Variants in ZNF385D observed in about 807,000 individuals in gnomAD.
ZNF385D encodes the protein zinc finger protein 385D.
Under a neutral mutation model 35.8 loss-of-function variants are expected in ZNF385D, and 15 were observed. The observed-to-expected ratio is 0.42, with a 90% confidence interval of 0.28 to 0.64. ZNF385D has a LOEUF of 0.64. ZNF385D is among the 30% of genes least tolerant of loss of function. The pLI is 0.23. For missense variants in ZNF385D, 474 were observed against 494.6 expected (o/e 0.96, Z 0.39); for synonymous variants, 212 against 186.8 (o/e 1.13, Z -1.10).
At chr3:21,756,544 T>G (rs1339575347) in intron 3 of ZNF385D, among the ~76,000 whole-genome samples, 1 of 152,146 alleles carries the variant, frequency 6.6e-6, no homozygotes, top group East Asian at 1.9e-4. Flanking sequence ...AATTTGGAAG[T>G]CATGATTTTA....
At chr3:22,137,541 CAGCATATAAACAGAACCAA>C (rs1019297324) in intron 3 of ZNF385D, among the ~76,000 whole-genome samples, 7 of 152,078 alleles carry the variant, frequency 4.6e-5, no homozygotes, top group African/African-American at 1.7e-4. Context: ...AAACGTAATC[CAGCATATAAACAGAACCAA>C]AGACAAAAAT....
intron 3 of ZNF385D, among the ~76,000 whole-genome samples, chr3:22,058,611 TGA>T (rs1195197407): frequency 6.6e-6 from 1 of 152,206 alleles, no homozygotes; most frequent in African/African-American, 2.4e-5. Flanking sequence ...TAAACTAACT[TGA>T]GAGTTTTAAT....
chr3:21,839,788 A>C (rs1425080422), intron 3 of ZNF385D, among the ~76,000 whole-genome samples: 1 of 151,966 alleles, frequency 6.6e-6, no homozygotes, highest in African/African-American at 2.4e-5. Context: ...CAGCAATCAA[A>C]TGCCTGACCT....
rs79203583 is a variant in ZNF385D, at chr3:22,239,309, T to A, written c.107-70274A>T. 3.8e-4 allele frequency among the ~76,000 whole-genome samples: 57 copies of A among 151,134 alleles called. 2 individuals carry two copies. The East Asian group carries it at 0.011, about 30-fold the overall frequency. On this transcript the variant is annotated intron_variant, in intron 2 of 5. Transcript: ENST00000494108. ...GTGCTTTCACGCTAAAATGGTAACA[T>A]TGTGTAATTACAACAGAGACTCTAT...
chr3:21,890,594 G>A (rs1022279641), intron 3 of ZNF385D, among the ~76,000 whole-genome samples: 1 of 152,124 alleles, frequency 6.6e-6, no homozygotes, highest in Admixed American at 6.5e-5. Context: ...ACTCCAGCCT[G>A]GGTGACAGAG....
chr3:21,718,271 C>T lies in ZNF385D; in HGVS notation c.22+32624G>A, dbSNP rs141135181. Among the ~76,000 whole-genome samples, 1,168 of 152,330 alleles carry T rather than the reference C, an allele frequency of 7.7e-3. 12 individuals are homozygous for T. The highest frequency in any genetic ancestry group is 0.026 in the African/African-American group (1,075 of 41,572). Reference sequence around the variant, plus strand: ...CTGATCAATCCTTCCATGGTTCCTACTCAGACTCCACTCTGCAATTTGATC... The same window carrying T: ...CTGATCAATCCTTCCATGGTTCCTATTCAGACTCCACTCTGCAATTTGATC... On this transcript the variant is annotated intron_variant, in intron 1 of 7. Transcript: ENST00000281523.
intron 3 of ZNF385D, among the ~76,000 whole-genome samples, chr3:21,899,139 G>A (rs754090315): frequency 2.0e-5 from 3 of 151,958 alleles, no homozygotes; most frequent in Non-Finnish European, 4.4e-5. Context: ...AGGCAGGAGG[G>A]TGTCCTACTA....
chr3:21,612,495 A>G (rs2064712931), intron 2 of ZNF385D, among the ~76,000 whole-genome samples: 1 of 152,208 alleles, frequency 6.6e-6, no homozygotes, highest in African/African-American at 2.4e-5. Flanking sequence ...GACTTCTTCA[A>G]GCTAGTCAAT....
At chr3:22,039,347 A>G (rs756960112) in intron 3 of ZNF385D, among the ~76,000 whole-genome samples, 7 of 151,978 alleles carry the variant, frequency 4.6e-5, no homozygotes, top group Admixed American at 2.0e-4. Flanking sequence ...ACTTCCTAAA[A>G]TCAGGCCTGA....
intron 3 of ZNF385D, among the ~76,000 whole-genome samples, chr3:21,862,741 T>C (rs1697126651): frequency 6.6e-6 from 1 of 152,172 alleles, no homozygotes; most frequent in South Asian, 2.1e-4. Context: ...GGGCTCCTTA[T>C]AGAAGTTCTT....
chr3:21,778,008 T>A (rs1230421940), intron 3 of ZNF385D, among the ~76,000 whole-genome samples: 3 of 151,908 alleles, frequency 2.0e-5, no homozygotes, highest in Non-Finnish European at 4.4e-5. Flanking sequence ...GTGTCTCCAG[T>A]AATAGACATA....
At chr3:21,991,872 T>C (rs6550648) in intron 3 of ZNF385D, among the ~76,000 whole-genome samples, 18,729 of 152,200 alleles carry the variant, frequency 0.12, 2,652 homozygotes, top group African/African-American at 0.35. Flanking sequence ...TGAGTTATAG[T>C]GCATGCCTGC....
chr3:22,160,652 A>G (rs1419335975), intron 3 of ZNF385D, among the ~76,000 whole-genome samples: 8 of 152,162 alleles, frequency 5.3e-5, no homozygotes, highest in African/African-American at 1.9e-4. Context: ...TGCTAGCAGC[A>G]AAGATAAGGG....
intron 2 of ZNF385D, among the ~76,000 whole-genome samples, chr3:22,175,318 T>C (rs992789508): frequency 6.6e-6 from 1 of 151,982 alleles, no homozygotes; most frequent in African/African-American, 2.4e-5. Context: ...AATAAGCATA[T>C]ATAAAGTAAA....
intron 2 of ZNF385D, among the ~76,000 whole-genome samples, chr3:22,193,171 A>G (rs544608785): frequency 1.1e-4 from 16 of 152,166 alleles, no homozygotes; most frequent in Non-Finnish European, 1.9e-4. Context: ...TTATATCTCA[A>G]CCACATTGAG....
At chr3:22,061,637 T>C (rs189128942) in intron 3 of ZNF385D, among the ~76,000 whole-genome samples, 1 of 152,304 alleles carries the variant, frequency 6.6e-6, no homozygotes, top group East Asian at 1.9e-4. Flanking sequence ...CTTTCAACAG[T>C]TCATCCATAC....
intron 2 of ZNF385D, among the ~76,000 whole-genome samples, chr3:22,254,585 G>A (rs1700221258): frequency 1.3e-5 from 2 of 151,592 alleles, no homozygotes; most frequent in African/African-American, 4.8e-5. Context: ...TATATTCCAA[G>A]GCCCTCAGTG....
chr3:22,123,895 A>C (rs376471233), intron 3 of ZNF385D, among the ~76,000 whole-genome samples: 1 of 135,780 alleles, frequency 7.4e-6, no homozygotes, highest in Non-Finnish European at 1.6e-5. Context: ...CCAAACAAAA[A>C]CAAAACAAAA....
chr3:22,330,015 T>C (rs1252846028), intron 2 of ZNF385D, among the ~76,000 whole-genome samples: 1 of 152,200 alleles, frequency 6.6e-6, no homozygotes, highest in East Asian at 1.9e-4. Flanking sequence ...TGCTCTGTAT[T>C]GCTTAATGGC....
Sources: allele counts gnomAD v4.1 joint callset (sites outside exome capture counted in the v4.1 genomes callset), GRCh38; gene constraint gnomAD v4.1.1; transcripts MANE v1.5; gene names NCBI Gene and HGNC (gene_info 2026-07-23, HGNC 2026-07-21).